IFNLR1: variants seen among roughly 807,000 people sequenced by gnomAD.
The protein encoded by IFNLR1 is interferon lambda receptor 1.
Under a neutral mutation model 52.5 loss-of-function variants are expected in IFNLR1, and 28 were observed. That is an observed-to-expected ratio of 0.53 (90% confidence interval 0.40 to 0.73). IFNLR1 has a LOEUF of 0.73. Among genes scored for constraint, IFNLR1 ranks in the 30% least tolerant of loss-of-function variants. The pLI, the probability that IFNLR1 is intolerant of heterozygous loss-of-function variation, is 0.00. For synonymous variants in IFNLR1, 276 were observed against 274.9 expected, an observed-to-expected ratio of 1.00 and a Z score of -0.04; for missense variants, 623 against 659.1, an observed-to-expected ratio of 0.95 and a Z score of 0.60.
intron 6 of IFNLR1, 145 bp downstream of exon 6, chr1:24,158,907 G>T: frequency 1.1e-6 from 1 of 874,068 alleles, no homozygotes; most frequent in Non-Finnish European, 1.8e-6. Context: ...CATTACTAAT[G>T]GTGGAAATTC....
intron 5 of IFNLR1, 65 bp from the exon 6 acceptor site, chr1:24,159,247 C>T (rs1483495290): frequency 2.1e-5 from 33 of 1,575,444 alleles, no homozygotes; most frequent in East Asian, 4.5e-5. Context: ...GCACCTGTGC[C>T]GAGTGCTTCA....
Position 24,175,181 on chromosome 1 carries a change from G to T in IFNLR1, c.182+5550C>A, listed in dbSNP as rs533283529. Among the ~76,000 whole-genome samples, 11 of 152,346 alleles carry T rather than the reference G, an allele frequency of 7.2e-5. No homozygotes were observed. In the East Asian group the frequency reaches 2.1e-3, roughly 29 times the overall value. On this transcript the variant is annotated intron_variant, in intron 2 of 6. Transcript: ENST00000327535. ...AAAATTTCCTGGAAGATGATTCAGA[G>T]ATCAGCAGGGTTGTCACTGCCACCA... is the stretch of plus-strand genomic sequence containing the variant.
At chr1:24,177,522 A>C (rs1644644973) in intron 2 of IFNLR1, among the ~76,000 whole-genome samples, 1 of 152,232 alleles carries the variant, frequency 6.6e-6, no homozygotes, top group African/African-American at 2.4e-5. Flanking sequence ...AAGACCCAGC[A>C]AGTGAAGCTA....
intron 3 of IFNLR1, among the ~76,000 whole-genome samples, chr1:24,166,696 A>G (rs1439541030): frequency 6.6e-6 from 1 of 150,892 alleles, no homozygotes; most frequent in Non-Finnish European, 1.5e-5. Context: ...ACAGGTGCCC[A>G]CCACCGTACC....
At chr1:24,168,629 T>A (rs1644543575) in intron 3 of IFNLR1, among the ~76,000 whole-genome samples, 1 of 151,922 alleles carries the variant, frequency 6.6e-6, no homozygotes, top group South Asian at 2.1e-4. Context: ...TGTCAATACA[T>A]GATTTCTGCC....
intron 3 of IFNLR1, among the ~76,000 whole-genome samples, chr1:24,163,314 G>A (rs1011304426): frequency 2.7e-4 from 41 of 152,152 alleles, no homozygotes; most frequent in African/African-American, 8.9e-4. Context: ...ATCTATTCAT[G>A]GGGGCAGCGT....
chr1:24,162,204 CTTAGTTCTT>C (rs1644451699), intron 3 of IFNLR1, among the ~76,000 whole-genome samples: 1 of 152,224 alleles, frequency 6.6e-6, no homozygotes, highest in Non-Finnish European at 1.5e-5. Flanking sequence ...GTCAGCAAAA[CTTAGTTCTT>C]TGTGGCTGTA....
At position 24,180,856 on chromosome 1, in the gene IFNLR1, T is replaced by A. The variant is rs954171299; in HGVS notation, c.59-2A>T. The A allele has an allele frequency of 6.2e-7, 1 of 1,612,360 alleles. No homozygotes were observed. The highest frequency in any genetic ancestry group is 1.3e-5 in the African/African-American group (1 of 74,846). On this transcript the variant is annotated splice_acceptor_variant, in intron 1 of 6. Coordinates refer to ENST00000327535, the MANE Select transcript of IFNLR1 (RefSeq NM_170743.4). LOFTEE classifies it high-confidence loss of function. The stretch of plus-strand genomic sequence containing the variant: ...GGGGAGGGGCCAGACGGGGCCTCCC[T>A]GGGGGAAAGAAAGGGGTCATGAAGC...
rs1253322335 is a variant in IFNLR1, at chr1:24,156,773, G to A, written c.*357C>T. On this transcript the variant is annotated 3_prime_UTR_variant, in exon 7 of 7. Coordinates refer to ENST00000327535, the MANE Select transcript of IFNLR1 (RefSeq NM_170743.4). ...TCCAGAGGGCCCCTTGGTGGTGTCC[G>A]CCCTTGATGTCCGCAGTGACCTGAC... 8.8e-6 allele frequency: 2 copies of A among 226,952 alleles called. No individual in the cohort carries two copies. The highest frequency in any genetic ancestry group is 5.3e-5 in the Admixed American group (1 of 18,806). The allele number at this position is 226,952 out of a possible 1,614,324, so 14.1% of individuals were successfully genotyped here.
intron 2 of IFNLR1, among the ~76,000 whole-genome samples, chr1:24,172,255 TATA>T (rs1644588559): frequency 6.6e-6 from 1 of 152,132 alleles, no homozygotes; most frequent in Non-Finnish European, 1.5e-5. Flanking sequence ...TTTAAATACT[TATA>T]ATAGAAAATA....
At chr1:24,184,535 C>G (rs1284324229) in intron 1 of IFNLR1, among the ~76,000 whole-genome samples, 4 of 151,688 alleles carry the variant, frequency 2.6e-5, no homozygotes, top group Non-Finnish European at 4.4e-5. Flanking sequence ...ACAGGCTCAT[C>G]AGGCAATCTT....
In IFNLR1 at chr1:24,156,785, C is replaced by G. The variant is rs997471845; in HGVS notation, c.*345G>C. The G allele has an allele frequency of 3.7e-6, 1 of 266,734 alleles. No individual in the cohort carries two copies. Among genetic ancestry groups the G allele is most frequent in the African/African-American group, 2.2e-5 (1 of 44,614 alleles). The allele number at this position is 266,734 out of a possible 1,614,324, so 16.5% of individuals were successfully genotyped here. A position where few individuals can be genotyped will look rare whatever the true frequency, so the allele number is the denominator to read the frequency against. On this transcript the variant is annotated 3_prime_UTR_variant, in exon 7 of 7. Transcript: ENST00000327535. ...CTTGGTGGTGTCCGCCCTTGATGTCCGCAGTGACCTGACCTCACCTGTTTC... is the reference window on the plus strand; with the variant it reads ...CTTGGTGGTGTCCGCCCTTGATGTCGGCAGTGACCTGACCTCACCTGTTTC...
In IFNLR1 at chr1:24,159,115, A is replaced by G; in HGVS notation, c.738T>C (p.Gly246=). 1 of 1,613,782 alleles carries G rather than the reference A, an allele frequency of 6.2e-7. No individual in the cohort carries two copies. Among genetic ancestry groups the G allele is most frequent in the Non-Finnish European group, 8.5e-7 (1 of 1,179,938 alleles). The part of the protein sequence containing the change: ...LILLLVIAAG[G]VIWKTLMGNP... Reference sequence around the variant, plus strand: ...TCCCCATGAGGGTCTTCCAGATCACACCCCCTGCGGCAATTACTAACAGCA... The same window carrying G: ...TCCCCATGAGGGTCTTCCAGATCACGCCCCCTGCGGCAATTACTAACAGCA... The change falls in exon 6 of 7, where the codon GGT becomes GGC. Residue 246 remains glycine, a synonymous_variant. Coordinates refer to ENST00000327535, the MANE Select transcript of IFNLR1 (RefSeq NM_170743.4).
chr1:24,159,299 C>CTGCAGACT, intron 5 of IFNLR1, 117 bp from the exon 6 acceptor site: 6 of 1,377,800 alleles, frequency 4.4e-6, no homozygotes, highest in Non-Finnish European at 3.0e-6. Context: ...TAAACCCATC[C>CTGCAGACT]TGCAGACTGT....
chr1:24,166,442 G>A (rs527674334), intron 3 of IFNLR1, among the ~76,000 whole-genome samples: 8 of 150,734 alleles, frequency 5.3e-5, no homozygotes, highest in East Asian at 3.9e-4. Context: ...CTTCTCCTTC[G>A]CTCCAGCCCT....
chr1:24,162,776 C>CT (rs144212647), intron 3 of IFNLR1, among the ~76,000 whole-genome samples: 679 of 42,262 alleles, frequency 0.016, 42 homozygotes, highest in Non-Finnish European at 0.02. Context: ...TTCTTTCTTT[C>CT]TTTTTCTTTC....
Position 24,183,180 on chromosome 1 carries a change from T to C in IFNLR1, c.59-2326A>G, listed in dbSNP as rs557164976. ...GAGCCCAAATGTAAGATGAAAAGTC[T>C]GCACTGTAGTCTAAGGTCATTGCTC... On this transcript the variant is annotated intron_variant, in intron 1 of 6. Transcript: ENST00000327535. Among the ~76,000 whole-genome samples, 5 of 152,306 alleles carry C rather than the reference T, an allele frequency of 3.3e-5. No individual in the cohort carries two copies. The East Asian group carries it at 9.7e-4, about 29-fold the overall frequency.
rs377756977 is a variant in IFNLR1, at chr1:24,159,570, C to T, written c.574G>A (p.Glu192Lys). 2.5e-5 allele frequency: 40 copies of T among 1,613,680 alleles called. No homozygotes were observed. In the Middle Eastern group the frequency reaches 4.9e-4, roughly 20 times the overall value. ...VQITLQPAAS[E>K]HHCLSARTIY... ...GTTCTGGCACTGAGGCAGTGGTGTT[C>T]GCTGGCAGCTGGCTGGAGAGTGATC... Residue 192 changes from glutamate (E) to lysine (K), a missense_variant, in exon 5 of 7, where the codon GAA becomes AAA. Glu to Lys is a moderately conservative substitution (Grantham distance 56, BLOSUM62 1). Coordinates refer to ENST00000327535, the MANE Select transcript of IFNLR1 (RefSeq NM_170743.4).
At chr1:24,162,378 T>C (rs143879760) in intron 3 of IFNLR1, among the ~76,000 whole-genome samples, 20 of 152,208 alleles carry the variant, frequency 1.3e-4, no homozygotes, top group African/African-American at 4.8e-4. Flanking sequence ...CTTCCCCTTC[T>C]GCCACTTCTC....
Sources: gnomAD v4.1 joint callset for allele counts (sites outside exome capture counted in the v4.1 genomes callset) on GRCh38, gnomAD v4.1.1 for gene constraint, MANE v1.5 for transcripts, NCBI Gene and HGNC (gene_info 2026-07-23, HGNC 2026-07-21) for gene names.